The following SEC14L5 variants were observed in gnomAD, a reference collection of about 807,000 sequenced individuals.
SEC14L5 encodes the protein SEC14 like lipid binding 5.
Under a neutral mutation model 84.6 loss-of-function variants are expected in SEC14L5, and 96 were observed. The ratio of observed to expected loss-of-function variants is 1.13; its 90% CI spans 0.96 to 1.34. SEC14L5 has a LOEUF of 1.34. SEC14L5 is among the 40% of genes most tolerant of loss of function. SEC14L5 has a pLI of 0.00. For synonymous variants in SEC14L5, 546 were observed against 383.4 expected (o/e 1.42, Z -4.95); for missense variants, 1,224 against 942.5 (o/e 1.30, Z -3.91).
chr16:4,995,864 G>T (rs952145317), intron 6 of SEC14L5, among the ~76,000 whole-genome samples: 2 of 152,094 alleles, frequency 1.3e-5, no homozygotes, highest in African/African-American at 4.8e-5. Flanking sequence ...GACTTCAAGT[G>T]ATCTGCCTGC....
At chr16:4,988,318 C>G in intron 4 of SEC14L5, 38 bp downstream of exon 4, 1 of 1,603,696 alleles carries the variant, frequency 6.2e-7, no homozygotes, top group Non-Finnish European at 8.5e-7. Flanking sequence ...CGCCCGGCAC[C>G]CACCTGCGCC....
chr16:4,992,874 A>G (rs1171640087), intron 6 of SEC14L5, among the ~76,000 whole-genome samples: 2 of 152,230 alleles, frequency 1.3e-5, no homozygotes, highest in African/African-American at 2.4e-5. Context: ...ACATGCATAC[A>G]TACATGTGTG....
At chr16:5,008,311 C>T (rs990641948) in intron 13 of SEC14L5, 110 bp from the exon 14 acceptor site, 6 of 742,752 alleles carry the variant, frequency 8.1e-6, no homozygotes, top group African/African-American at 7.1e-5. Context: ...GAGCGTGTGC[C>T]TGGGAAAGGA....
intron 7 of SEC14L5, 48 bp from the exon 8 acceptor site, chr16:4,996,807 G>A: frequency 7.0e-7 from 1 of 1,433,420 alleles, no homozygotes; most frequent in Non-Finnish European, 9.6e-7. Flanking sequence ...TTTATCTGCT[G>A]GGTCAGGGGA....
intron 2 of SEC14L5, among the ~76,000 whole-genome samples, chr16:4,981,163 C>T (rs571040802): frequency 6.6e-6 from 1 of 150,838 alleles, no homozygotes; most frequent in Admixed American, 6.6e-5. Flanking sequence ...GTCGCCCACG[C>T]TGGAGTGCAG....
rs543801415 is a variant in SEC14L5 at position 4,966,544 on chromosome 16, G to C, written c.63+7158G>C. Among the ~76,000 whole-genome samples, 7 of 152,204 alleles carry C rather than the reference G, an allele frequency of 4.6e-5. No homozygotes were observed. The East Asian group carries it at 5.8e-4, about 13-fold the overall frequency. On this transcript the variant is annotated intron_variant, in intron 2 of 15. Transcript: ENST00000251170. ...CCGACTTAGCCTCCCAAAATGCTGG[G>C]ATTACAGGCGTGAGCCACCGTGCCC...
intron 4 of SEC14L5, among the ~76,000 whole-genome samples, chr16:4,989,858 A>G (rs990925836): frequency 1.3e-5 from 2 of 152,090 alleles, no homozygotes; most frequent in African/African-American, 4.8e-5. Flanking sequence ...CCAACCTGGA[A>G]GTGTCTAGGG....
intron 2 of SEC14L5, among the ~76,000 whole-genome samples, chr16:4,962,864 A>T (rs1174081810): frequency 6.6e-6 from 1 of 152,178 alleles, no homozygotes. Context: ...ACTGTTTACA[A>T]AACATTATTG....
At chr16:4,984,530 A>C (rs756600794) in intron 2 of SEC14L5, among the ~76,000 whole-genome samples, 1 of 152,044 alleles carries the variant, frequency 6.6e-6, no homozygotes, top group Non-Finnish European at 1.5e-5. Context: ...TTATGTTTTC[A>C]TTTCTCTTGG....
chr16:4,999,332 C>T (rs892742043), intron 8 of SEC14L5, among the ~76,000 whole-genome samples: 1 of 152,200 alleles, frequency 6.6e-6, no homozygotes, highest in Non-Finnish European at 1.5e-5. Context: ...AAGCCGGGCG[C>T]AGTGGCTCAC....
intron 2 of SEC14L5, among the ~76,000 whole-genome samples, chr16:4,967,663 C>T (rs1170572957): frequency 6.8e-6 from 1 of 146,508 alleles, no homozygotes; most frequent in African/African-American, 2.6e-5. Context: ...ACTTCCACCT[C>T]CCAGGGTCAA....
chr16:5,002,133 G>A (rs889780200), intron 10 of SEC14L5, among the ~76,000 whole-genome samples: 2 of 152,138 alleles, frequency 1.3e-5, no homozygotes, highest in African/African-American at 4.8e-5. Flanking sequence ...ATGCAAACAC[G>A]GATCTTGCAC....
At chr16:4,981,113 TTC>T (rs778214263) in intron 2 of SEC14L5, among the ~76,000 whole-genome samples, 52 of 152,068 alleles carry the variant, frequency 3.4e-4, no homozygotes, top group Admixed American at 1.4e-3. Flanking sequence ...GGCCCGTTCT[TTC>T]TTTCTTTATT....
chr16:5,003,599 C>T lies in SEC14L5; in HGVS notation c.1302+26C>T, dbSNP rs375080078. 5 of 788,438 alleles carry T rather than the reference C, an allele frequency of 6.3e-6. No homozygotes were observed. In the African/African-American group the frequency reaches 8.0e-5, roughly 13 times the overall value. 48.8% of individuals were successfully genotyped at this position (788,438 alleles called of 1,614,324 possible). Reference sequence around the variant, plus strand: ...GTAAGAGCTGGAGCCTGGGCCAGGACTCTCCCTGGGGGTGGGTGGGATGGG... The same window carrying T: ...GTAAGAGCTGGAGCCTGGGCCAGGATTCTCCCTGGGGGTGGGTGGGATGGG... On this transcript the variant is annotated intron_variant, in intron 11 of 15. Transcript: ENST00000251170.
At chr16:4,988,814 T>G (rs753048496) in intron 4 of SEC14L5, among the ~76,000 whole-genome samples, 9 of 152,256 alleles carry the variant, frequency 5.9e-5, no homozygotes, top group Non-Finnish European at 1.0e-4. Flanking sequence ...ACCTACTATG[T>G]GCCAGGCACC....
intron 10 of SEC14L5, among the ~76,000 whole-genome samples, chr16:5,001,679 G>A (rs1955679818): frequency 6.6e-6 from 1 of 152,116 alleles, no homozygotes; most frequent in South Asian, 2.1e-4. Context: ...CCGCATTTCT[G>A]TTCCTGAACT....
intron 2 of SEC14L5, among the ~76,000 whole-genome samples, chr16:4,966,914 C>T (rs1378882589): frequency 1.3e-5 from 2 of 152,218 alleles, no homozygotes; most frequent in Non-Finnish European, 2.9e-5. Context: ...AGCCTGCAGG[C>T]CCTGGCCCCT....
rs1336077809 is a variant in SEC14L5, at chr16:5,003,463, G to T, written c.1192G>T (p.Val398Leu). 1 of 1,613,300 alleles carries T rather than the reference G, an allele frequency of 6.2e-7. No individual in the cohort carries two copies. Residue 398 changes from valine (V) to leucine (L), a missense_variant, in exon 11 of 16, where the codon GTG becomes TTG. Val to Leu is a conservative substitution (Grantham distance 32, BLOSUM62 1). Transcript: ENST00000251170. ...LNMRHLWRPGVKALLRMIEVV... is the reference protein window; with the variant it reads ...LNMRHLWRPGLKALLRMIEVV... Reference sequence around the variant, plus strand: ...CATGCGGCACCTGTGGCGGCCGGGGGTGAAGGCCCTGCTGCGGATGATTGA... The same window carrying T: ...CATGCGGCACCTGTGGCGGCCGGGGTTGAAGGCCCTGCTGCGGATGATTGA...
intron 4 of SEC14L5, among the ~76,000 whole-genome samples, chr16:4,989,342 TG>T (rs202166112): frequency 8.7e-5 from 13 of 150,216 alleles, no homozygotes; most frequent in Admixed American, 2.6e-4. Context: ...TTTTTTTGTT[TG>T]TTTTTTTGAG....
Sources: allele counts gnomAD v4.1 joint callset (sites outside exome capture counted in the v4.1 genomes callset), GRCh38; gene constraint gnomAD v4.1.1; transcripts MANE v1.5; gene names NCBI Gene and HGNC (gene_info 2026-07-23, HGNC 2026-07-21).